The following GAS2 variants were observed in gnomAD, a reference collection of about 807,000 sequenced individuals.
The protein encoded by GAS2 is growth arrest-specific protein 2.
A neutral mutation model predicts 37.5 loss-of-function variants in GAS2; 20 were observed. That is an observed-to-expected ratio of 0.53 (90% CI 0.37 to 0.77). The LOEUF is 0.77. Ranked by LOEUF, GAS2 falls within the 30% of genes least tolerant of loss-of-function variation. The probability of loss-of-function intolerance (pLI) is 0.00; values close to 1 mark genes in which losing one functional copy is unlikely to be tolerated. For synonymous variants in GAS2, 144 were observed against 132.2 expected, an observed-to-expected ratio of 1.09 and a Z score of -0.61; for missense variants, 336 against 373.4, an observed-to-expected ratio of 0.90 and a Z score of 0.82.
chr11:22,762,807 T>C (rs1434516306), intron 7 of GAS2, among the ~76,000 whole-genome samples: 2 of 152,200 alleles, frequency 1.3e-5, no homozygotes, highest in African/African-American at 4.8e-5. Flanking sequence ...CAAAATTAAC[T>C]AGAATTCTAT....
intron 1 of GAS2, among the ~76,000 whole-genome samples, chr11:22,670,036 T>G (rs1849139469): frequency 6.6e-6 from 1 of 152,212 alleles, no homozygotes; most frequent in Non-Finnish European, 1.5e-5. Flanking sequence ...GGGTGGTTTA[T>G]TCTTTGAGTT....
intron 7 of GAS2, among the ~76,000 whole-genome samples, chr11:22,770,147 G>A (rs1299548856): frequency 6.6e-6 from 1 of 152,092 alleles, no homozygotes; most frequent in African/African-American, 2.4e-5. Flanking sequence ...GGGCCTGTGG[G>A]AGTAGGGGAG....
chr11:22,762,730 T>C (rs867472104), intron 7 of GAS2, among the ~76,000 whole-genome samples: 4 of 152,190 alleles, frequency 2.6e-5, no homozygotes, highest in Non-Finnish European at 5.9e-5. Context: ...AAAAGTATGA[T>C]AATATTTTTG....
Position 22,674,896 on chromosome 11 carries a change from A to G in GAS2, c.27A>G (p.Val9=). 1 of 1,612,768 alleles carries G rather than the reference A, an allele frequency of 6.2e-7. No individual in the cohort carries two copies. The highest frequency in any genetic ancestry group is 1.7e-4 in the Middle Eastern group (1 of 6,042). ...TGTGCACTGCTCTGAGCCCAAAGGT[A>G]CGCAGTGGACCTGGCCTCTCTGATA... The part of the protein sequence containing the change: MCTALSPK[V]RSGPGLSDMH... The change falls in exon 2 of 8, where the codon GTA becomes GTG. Residue 9 remains valine (V), a synonymous_variant. Transcript: ENST00000454584.
At chr11:22,650,157 G>C (rs1341947261) in intron 1 of GAS2, among the ~76,000 whole-genome samples, 1 of 151,638 alleles carries the variant, frequency 6.6e-6, no homozygotes, top group Non-Finnish European at 1.5e-5. Flanking sequence ...CTTTATTTCT[G>C]CCTTCATTTC....
At chr11:22,668,831 G>A (rs1055375327) in intron 1 of GAS2, among the ~76,000 whole-genome samples, 5 of 152,080 alleles carry the variant, frequency 3.3e-5, no homozygotes, top group Non-Finnish European at 7.4e-5. Context: ...AAAACTGCAG[G>A]GCATGTTGTA....
Position 22,737,720 on chromosome 11 carries a change from C to A in GAS2, c.425C>A (p.Pro142His), listed in dbSNP as rs1434241221. 5.0e-6 allele frequency: 8 copies of A among 1,614,070 alleles called. No homozygotes were observed. The highest frequency in any genetic ancestry group is 2.2e-5 in the East Asian group (1 of 44,864). The stretch of plus-strand genomic sequence containing the variant: ...TGTCTTTCAGTCCTCCACAAGCAAC[C>A]CAGAGAAGTGTGTCTCTGTCTGCTA... ...ESEGLVLHKQ[P>H]REVCLCLLEL... Residue 142 changes from proline (P) to histidine (H), a missense_variant, in exon 5 of 8, where the codon CCC becomes CAC. Physicochemically the swap from Pro to His is moderately conservative, Grantham distance 77 (BLOSUM62 -2). Transcript: ENST00000454584.
intron 5 of GAS2, among the ~76,000 whole-genome samples, chr11:22,745,170 G>A (rs972579232): frequency 6.9e-6 from 1 of 144,036 alleles, no homozygotes; most frequent in Non-Finnish European, 1.5e-5. Flanking sequence ...GCAATTCTAA[G>A]CAAAAAGAAC....
At chr11:22,808,240 C>A (rs568415025) in intron 7 of GAS2, among the ~76,000 whole-genome samples, 1 of 152,298 alleles carries the variant, frequency 6.6e-6, no homozygotes, top group South Asian at 2.1e-4. Flanking sequence ...TAAAGCTAGA[C>A]TTTGGAGATA....
chr11:22,722,532 C>A (rs572094542), intron 3 of GAS2, among the ~76,000 whole-genome samples: 1 of 151,960 alleles, frequency 6.6e-6, no homozygotes, highest in South Asian at 2.1e-4. Context: ...AATTTCTATC[C>A]AATTTAGGTT....
intron 1 of GAS2, among the ~76,000 whole-genome samples, chr11:22,645,029 A>G (rs1417132371): frequency 6.6e-6 from 1 of 152,226 alleles, no homozygotes; most frequent in African/African-American, 2.4e-5. Context: ...GAGGAGAAGT[A>G]CACAACGGAG....
chr11:22,664,675 A>G (rs1848954942), upstream of GAS2, among the ~76,000 whole-genome samples: 1 of 152,182 alleles, frequency 6.6e-6, no homozygotes, highest in Non-Finnish European at 1.5e-5. Flanking sequence ...TTGAGTCCAC[A>G]CTAAACTAAG....
At chr11:22,629,409 T>G (rs182431603) in intron 1 of GAS2, among the ~76,000 whole-genome samples, 23 of 152,208 alleles carry the variant, frequency 1.5e-4, no homozygotes, top group Admixed American at 1.1e-3. Context: ...CTGTACTGGT[T>G]TGGATTCCCA....
At chr11:22,665,004 C>CAA (rs67106131), upstream of GAS2, among the ~76,000 whole-genome samples, 2 of 150,284 alleles carry the variant, frequency 1.3e-5, no homozygotes, top group African/African-American at 4.9e-5. Flanking sequence ...AAATTTAAGA[C>CAA]AAAAAAAAAA....
intron 5 of GAS2, among the ~76,000 whole-genome samples, chr11:22,739,015 G>A (rs1263802541): frequency 6.6e-6 from 1 of 152,174 alleles, no homozygotes; most frequent in Non-Finnish European, 1.5e-5. Context: ...GAAGGCCTCT[G>A]GGGGAGAACT....
intron 7 of GAS2, among the ~76,000 whole-genome samples, chr11:22,784,942 T>C (rs1590127864): frequency 6.6e-6 from 1 of 152,162 alleles, no homozygotes; most frequent in Non-Finnish European, 1.5e-5. Context: ...CTACAGAAGG[T>C]TCCAGTAAAC....
chr11:22,694,615 T>C (rs896838637), intron 3 of GAS2, among the ~76,000 whole-genome samples: 4 of 152,186 alleles, frequency 2.6e-5, no homozygotes, highest in Non-Finnish European at 5.9e-5. Flanking sequence ...ATCTATATCA[T>C]ACCAAGTGAT....
intron 7 of GAS2, among the ~76,000 whole-genome samples, chr11:22,763,341 T>C (rs577262517): frequency 4.2e-4 from 64 of 152,298 alleles, no homozygotes; most frequent in African/African-American, 1.5e-3. Flanking sequence ...CAATGTCTTC[T>C]GGGACTTGCT....
chr11:22,806,369 G>A (rs552822518), intron 7 of GAS2, among the ~76,000 whole-genome samples: 19 of 152,062 alleles, frequency 1.2e-4, no homozygotes, highest in Admixed American at 2.6e-4. Flanking sequence ...GTAGGTTGAC[G>A]CCATATCTTG....
Sources: gnomAD v4.1 joint callset for allele counts (sites outside exome capture counted in the v4.1 genomes callset) on GRCh38, gnomAD v4.1.1 for gene constraint, MANE v1.5 for transcripts, NCBI Gene and HGNC (gene_info 2026-07-23, HGNC 2026-07-21) for gene names.